The following ASTN1 variants were observed in gnomAD, a reference collection of about 807,000 sequenced individuals.
ASTN1 encodes astrotactin-1.
In ASTN1, 41 loss-of-function variants were observed where a neutral mutation model predicts 140.7. The observed-to-expected ratio is 0.29, with a 90% CI of 0.23 to 0.38. ASTN1 has a LOEUF of 0.38. Ranked by LOEUF, ASTN1 falls within the 10% of genes least tolerant of loss-of-function variation. The pLI is 1.00. For synonymous variants in ASTN1, 640 were observed against 652.2 expected, an observed-to-expected ratio of 0.98 and a Z score of 0.29; for missense variants, 1,479 against 1,678.8, an observed-to-expected ratio of 0.88 and a Z score of 2.08.
intron 14 of ASTN1, among the ~76,000 whole-genome samples, chr1:176,940,329 C>G (rs925902909): frequency 6.6e-6 from 1 of 152,180 alleles, no homozygotes; most frequent in African/African-American, 2.4e-5. Context: ...CCATAACAAA[C>G]AGCCCAAGAA....
chr1:176,935,745 ATTTCTCTCTCTCTC>A (rs1269920587), intron 15 of ASTN1, among the ~76,000 whole-genome samples: 2 of 150,318 alleles, frequency 1.3e-5, no homozygotes, highest in East Asian at 2.0e-4. Context: ...GCTAATATCT[ATTTCTCTCTCTCTC>A]TTTCTCTCTC....
intron 1 of ASTN1, among the ~76,000 whole-genome samples, chr1:177,064,171 G>A (rs1678233582): frequency 6.6e-6 from 1 of 152,094 alleles, no homozygotes; most frequent in African/African-American, 2.4e-5. Context: ...ACACGCACCA[G>A]ACAACATCAT....
At position 176,973,889 on chromosome 1, in the gene ASTN1, G is replaced by A. The variant is rs144591222; in HGVS notation, c.1524-8652C>T. 6.1e-4 allele frequency among the ~76,000 whole-genome samples: 93 copies of A among 152,232 alleles called. No homozygotes were observed. The East Asian group carries it at 0.014, about 22-fold the overall frequency. ...ATGGGATATAAGAAGGGCCCTCCAT[G>A]GAAGTTACCAGTGCAAACTCCCCTT... On this transcript the variant is annotated intron_variant, in intron 8 of 22. Coordinates refer to ENST00000361833, the MANE Select transcript of ASTN1 (RefSeq NM_004319.3).
intron 16 of ASTN1, among the ~76,000 whole-genome samples, chr1:176,899,248 T>C (rs936225766): frequency 6.6e-6 from 1 of 152,216 alleles, no homozygotes; most frequent in Non-Finnish European, 1.5e-5. Context: ...TATCGCGTCC[T>C]TAAAGCTCAA....
chr1:177,008,681 A>T (rs1675130927), intron 8 of ASTN1, among the ~76,000 whole-genome samples: 1 of 151,994 alleles, frequency 6.6e-6, no homozygotes, highest in South Asian at 2.1e-4. Context: ...CTGCTGAATG[A>T]ATATGCTGGA....
intron 1 of ASTN1, among the ~76,000 whole-genome samples, chr1:177,148,701 G>A (rs1309088269): frequency 6.7e-6 from 1 of 150,290 alleles, no homozygotes; most frequent in Non-Finnish European, 1.5e-5. Flanking sequence ...AAGAGATGGT[G>A]CATTACCCAA....
chr1:176,975,568 T>C (rs975842141), intron 8 of ASTN1, among the ~76,000 whole-genome samples: 5 of 152,228 alleles, frequency 3.3e-5, no homozygotes, highest in African/African-American at 7.2e-5. Context: ...TTATCTGTAG[T>C]GCATAAAAAG....
In ASTN1 at chr1:176,893,936, T is replaced by C. The variant is rs552101346; in HGVS notation, c.2940+626A>G. Among the ~76,000 whole-genome samples, 4 of 152,234 alleles carry C rather than the reference T, an allele frequency of 2.6e-5. No homozygotes were observed. The South Asian group carries it at 8.3e-4, about 32-fold the overall frequency. ...TTCCATCCATTTTCTCCTGGCATCT[T>C]TGGAAAGGGAGAGGCAGAGGCAAAG... is the stretch of plus-strand genomic sequence containing the variant. On this transcript the variant is annotated intron_variant, in intron 17 of 22. Coordinates refer to ENST00000361833, the MANE Select transcript of ASTN1 (RefSeq NM_004319.3).
chr1:177,034,168 C>T (rs752570120), intron 2 of ASTN1, among the ~76,000 whole-genome samples: 1 of 151,600 alleles, frequency 6.6e-6, no homozygotes, highest in African/African-American at 2.4e-5. Context: ...ATAATTATAC[C>T]TTGGATTTAT....
chr1:176,925,254 G>A (rs1670906736), intron 16 of ASTN1, among the ~76,000 whole-genome samples: 1 of 152,180 alleles, frequency 6.6e-6, no homozygotes, highest in African/African-American at 2.4e-5. Flanking sequence ...ACCGTGCCAT[G>A]GCTCCAGTGT....
chr1:177,119,716 G>C (rs1681281432), intron 1 of ASTN1, among the ~76,000 whole-genome samples: 1 of 152,182 alleles, frequency 6.6e-6, no homozygotes, highest in South Asian at 2.1e-4. Context: ...CTACGGACTA[G>C]TGTGAATGTG....
chr1:176,946,757 C>A (rs1020249807), intron 12 of ASTN1, among the ~76,000 whole-genome samples: 1 of 152,148 alleles, frequency 6.6e-6, no homozygotes, highest in Non-Finnish European at 1.5e-5. Flanking sequence ...GCCATGTGCA[C>A]CATTAACCAA....
At chr1:177,153,269 C>T (rs539238674) in intron 1 of ASTN1, among the ~76,000 whole-genome samples, 1 of 152,076 alleles carries the variant, frequency 6.6e-6, no homozygotes, top group African/African-American at 2.4e-5. Context: ...GATATCTTAC[C>T]AGGTAATCTC....
At chr1:176,930,078 G>A (rs1478188655) in intron 16 of ASTN1, among the ~76,000 whole-genome samples, 1 of 152,196 alleles carries the variant, frequency 6.6e-6, no homozygotes, top group Admixed American at 6.5e-5. Context: ...AAGAGGAAGA[G>A]ATACACACGA....
chr1:176,995,346 A>G (rs1254518792), intron 8 of ASTN1, among the ~76,000 whole-genome samples: 1 of 152,226 alleles, frequency 6.6e-6, no homozygotes, highest in African/African-American at 2.4e-5. Context: ...AGGATGTCAC[A>G]GGATCACAGA....
At chr1:177,012,575 C>T (rs1315120016) in intron 8 of ASTN1, among the ~76,000 whole-genome samples, 3 of 152,224 alleles carry the variant, frequency 2.0e-5, no homozygotes, top group African/African-American at 2.4e-5. Flanking sequence ...TTCTGTCAGT[C>T]TATAACTCAC....
At chr1:176,952,319 A>G (rs1372508094) in intron 11 of ASTN1, among the ~76,000 whole-genome samples, 1 of 151,924 alleles carries the variant, frequency 6.6e-6, no homozygotes, top group Non-Finnish European at 1.5e-5. Flanking sequence ...ACACACATGA[A>G]GTACCAAAAT....
chr1:177,123,497 T>C (rs1681497373), intron 1 of ASTN1, among the ~76,000 whole-genome samples: 1 of 152,152 alleles, frequency 6.6e-6, no homozygotes, highest in African/African-American at 2.4e-5. Context: ...GTAGGTACTA[T>C]TTTTCCCTTG....
At chr1:177,013,466 A>G (rs1675392695) in intron 8 of ASTN1, among the ~76,000 whole-genome samples, 1 of 151,680 alleles carries the variant, frequency 6.6e-6, no homozygotes, top group Non-Finnish European at 1.5e-5. Context: ...ATCATAAATC[A>G]CTCCCTTGGG....
Sources: gnomAD v4.1 joint callset for allele counts (sites outside exome capture counted in the v4.1 genomes callset) on GRCh38, gnomAD v4.1.1 for gene constraint, MANE v1.5 for transcripts, NCBI Gene and HGNC (gene_info 2026-07-23, HGNC 2026-07-21) for gene names.